The following NF2 variants were observed in gnomAD, a reference collection of about 807,000 sequenced individuals.
NF2 encodes the protein merlin.
Under a neutral mutation model 83.7 loss-of-function variants are expected in NF2, and 8 were observed. That is an observed-to-expected ratio of 0.10 (90% CI 0.06 to 0.17). The LOEUF (loss-of-function observed/expected upper bound fraction) is 0.17, where lower values mean the gene tolerates loss of function less well. Among genes scored for constraint, NF2 ranks in the 10% least tolerant of loss-of-function variants. The probability of loss-of-function intolerance (pLI) is 1.00; values close to 1 mark genes in which losing one functional copy is unlikely to be tolerated. For missense variants in NF2, 533 were observed against 744.4 expected, an observed-to-expected ratio of 0.72 and a Z score of 3.31; for synonymous variants, 266 against 269.6, an observed-to-expected ratio of 0.99 and a Z score of 0.13.
Position 29,674,891 on chromosome 22 carries a change from C to G in NF2, c.1396C>G (p.Arg466Gly), listed in dbSNP as rs74315504. 3 of 1,574,626 alleles carry G rather than the reference C, an allele frequency of 1.9e-6. No individual in the cohort carries two copies. The highest frequency in any genetic ancestry group is 2.6e-6 in the Non-Finnish European group (3 of 1,159,274). Residue 466 changes from arginine to glycine, a missense_variant, in exon 13 of 16, where the codon CGA becomes GGA. Arg to Gly is a moderately radical substitution (Grantham distance 125). Transcript: ENST00000338641. ...CCTGCAGGAAGCACGCGAGGCGGAG[C>G]GAAGAGCCAAGCAGAAGCTCCTGGA... The part of the protein sequence containing the change: ...QDLQEAREAE[R>G]RAKQKLLEIA...
chr22:29,664,901 C>G, intron 8 of NF2, 89 bp from the exon 9 acceptor site: 1 of 896,950 alleles, frequency 1.1e-6, no homozygotes, highest in Admixed American at 1.9e-5. Flanking sequence ...TGGTCTGTGG[C>G]CAGTGTGGTT....
chr22:29,660,589 T>C (rs538350320), intron 7 of NF2, among the ~76,000 whole-genome samples: 5 of 152,202 alleles, frequency 3.3e-5, no homozygotes, highest in Admixed American at 1.3e-4. Context: ...TTTTGTTTTT[T>C]AACGAAGTCT....
intron 13 of NF2, 59 bp downstream of exon 13, chr22:29,675,000 C>T (rs1226449981): frequency 1.4e-6 from 2 of 1,439,204 alleles, no homozygotes; most frequent in Non-Finnish European, 9.6e-7. Flanking sequence ...CTCTTTCCTC[C>T]CGGCCCTTCA....
intron 3 of NF2, among the ~76,000 whole-genome samples, chr22:29,641,184 C>G (rs990732422): frequency 1.3e-5 from 2 of 152,006 alleles, no homozygotes; most frequent in African/African-American, 4.8e-5. Context: ...CTTTTTCCCC[C>G]CTCTCTTTGG....
intron 2 of NF2, among the ~76,000 whole-genome samples, chr22:29,638,722 T>C (rs550815346): frequency 6.6e-6 from 1 of 152,256 alleles, no homozygotes; most frequent in South Asian, 2.1e-4. Context: ...TAAAGGAAGA[T>C]TCCACTACTT....
At chr22:29,666,041 T>C (rs1286374227) in intron 9 of NF2, among the ~76,000 whole-genome samples, 2 of 152,228 alleles carry the variant, frequency 1.3e-5, no homozygotes, top group Non-Finnish European at 2.9e-5. Flanking sequence ...TCATTATTTT[T>C]TTGAGATATA....
chr22:29,629,797 G>A (rs977646962), intron 1 of NF2, among the ~76,000 whole-genome samples: 4 of 152,180 alleles, frequency 2.6e-5, no homozygotes, highest in African/African-American at 9.7e-5. Context: ...TCTTCGTGTG[G>A]CTGATAATTT....
At chr22:29,615,743 T>C (rs148599119) in intron 1 of NF2, among the ~76,000 whole-genome samples, 30 of 152,050 alleles carry the variant, frequency 2.0e-4, no homozygotes, top group Middle Eastern at 3.4e-3. Context: ...TCAAAAAAGA[T>C]AAAAAGAAAA....
intron 1 of NF2, among the ~76,000 whole-genome samples, chr22:29,630,977 TGA>T (rs1251673158): frequency 1.3e-5 from 2 of 152,114 alleles, no homozygotes; most frequent in Non-Finnish European, 1.5e-5. Flanking sequence ...AAAATAAACA[TGA>T]GACTCATCCC....
intron 1 of NF2, among the ~76,000 whole-genome samples, chr22:29,611,394 G>T (rs2064949113): frequency 6.6e-6 from 1 of 152,112 alleles, no homozygotes; most frequent in African/African-American, 2.4e-5. Context: ...AGGTGTGGTG[G>T]TGCATACCTA....
At chr22:29,623,002 G>A (rs943038080) in intron 1 of NF2, among the ~76,000 whole-genome samples, 1 of 142,526 alleles carries the variant, frequency 7.0e-6, no homozygotes, top group African/African-American at 2.7e-5. Context: ...TCAGACTGGA[G>A]TGCAGTGGTG....
intron 1 of NF2, among the ~76,000 whole-genome samples, chr22:29,607,356 G>C (rs1284826066): frequency 1.3e-5 from 2 of 151,768 alleles, no homozygotes; most frequent in Non-Finnish European, 2.9e-5. Flanking sequence ...GCTGGGTGTG[G>C]TCAAGGAGAG....
At chr22:29,681,336 C>G (rs961552715) in intron 14 of NF2, 103 bp from the exon 15 acceptor site, 12 of 1,468,550 alleles carry the variant, frequency 8.2e-6, no homozygotes, top group Non-Finnish European at 1.1e-5. Flanking sequence ...CCCCAGGCCT[C>G]AAACCCTAGA....
In NF2 at chr22:29,681,419, T is replaced by C; in HGVS notation, c.1575-20T>C. 1.9e-6 allele frequency: 3 copies of C among 1,613,358 alleles called. No homozygotes were observed. The highest frequency in any genetic ancestry group is 2.5e-6 in the Non-Finnish European group (3 of 1,179,650). Reference sequence around the variant, plus strand: ...CACTGTCTGCCCAAGCCCTGATGCATGATACCCTCTTGCCGGCAGAGTGGA... The same window carrying C: ...CACTGTCTGCCCAAGCCCTGATGCACGATACCCTCTTGCCGGCAGAGTGGA... On this transcript the variant is annotated intron_variant, in intron 14 of 15. Transcript: ENST00000338641.
At chr22:29,617,171 C>T (rs997467238) in intron 1 of NF2, among the ~76,000 whole-genome samples, 25 of 152,124 alleles carry the variant, frequency 1.6e-4, no homozygotes, top group African/African-American at 5.3e-4. Flanking sequence ...TCAGGTGATC[C>T]GCCCTCCTTG....
intron 1 of NF2, among the ~76,000 whole-genome samples, chr22:29,606,039 C>G (rs2064786320): frequency 6.6e-6 from 1 of 152,178 alleles, no homozygotes; most frequent in African/African-American, 2.4e-5. Context: ...ACCGCAGCCT[C>G]TGCTTCCCGG....
At position 29,634,780 on chromosome 22, in the gene NF2, A is replaced by T. The variant is rs183275785; in HGVS notation, c.115-1971A>T. On this transcript the variant is annotated intron_variant, in intron 1 of 15. Transcript: ENST00000338641. ...TTTCCAAAATAACATTTCTTCAGTG[A>T]AGTCTGCCTGTAGGAATTAAAACTT... Among the ~76,000 whole-genome samples the T allele has an allele frequency of 2.9e-4, 44 of 152,354 alleles. No individual in the cohort carries two copies. The East Asian group carries it at 3.7e-3, about 13-fold the overall frequency.
Position 29,603,680 on chromosome 22 carries a change from C to A in NF2, c.-319C>A. ...AGGCGCGCGGAGTCTGGGCCGCTGC[C>A]GTCTAGGGGTCCCGTCCCGAGGCGT... On this transcript the variant is annotated 5_prime_UTR_variant, in exon 1 of 16. Coordinates refer to ENST00000338641, the MANE Select transcript of NF2 (RefSeq NM_000268.4). 1 of 417,676 alleles carries A rather than the reference C, an allele frequency of 2.4e-6. No individual in the cohort carries two copies. 25.9% of individuals were successfully genotyped at this position (417,676 alleles called of 1,614,324 possible). A position where few individuals can be genotyped will look rare whatever the true frequency, so the allele number is the denominator to read the frequency against.
At chr22:29,667,651 G>T (rs1410023970) in intron 9 of NF2, among the ~76,000 whole-genome samples, 1 of 152,164 alleles carries the variant, frequency 6.6e-6, no homozygotes, top group African/African-American at 2.4e-5. Flanking sequence ...CTCCGAAAGT[G>T]CTGGGATTAC....
Sources: allele counts gnomAD v4.1 joint callset (sites outside exome capture counted in the v4.1 genomes callset), GRCh38; gene constraint gnomAD v4.1.1; transcripts MANE v1.5; gene names NCBI Gene and HGNC (gene_info 2026-07-23, HGNC 2026-07-21).